ALAS2: variants seen among roughly 807,000 people sequenced by gnomAD.
ALAS2 encodes the protein 5-aminolevulinate synthase, erythroid-specific, mitochondrial.
Under a neutral mutation model 33.7 loss-of-function variants are expected in ALAS2, and 3 were observed. That is an observed-to-expected ratio of 0.09 (90% CI 0.04 to 0.23). The LOEUF is 0.23. ALAS2 is among the 10% of genes least tolerant of loss of function. The pLI is 1.00. For missense variants in ALAS2, 304 were observed against 475.1 expected (o/e 0.64, Z 3.35); for synonymous variants, 191 against 177.3 (o/e 1.08, Z -0.61).
intron 1 of ALAS2, among the ~76,000 whole-genome samples, chrX:55,026,224 G>A (rs1935890312): frequency 9.0e-6 from 1 of 111,729 alleles, no homozygotes; most frequent in Non-Finnish European, 1.9e-5. Context: ...ACTGGGCAAA[G>A]GGGTGAAGGA....
At chrX:55,018,347 C>A (rs1935739831) in intron 6 of ALAS2, among the ~76,000 whole-genome samples, 1 of 111,249 alleles carries the variant, frequency 9.0e-6, no homozygotes, top group Non-Finnish European at 1.9e-5. Context: ...CCCCTGCCAC[C>A]AACTGCACTG....
intron 1 of ALAS2, among the ~76,000 whole-genome samples, chrX:55,026,563 G>A (rs1242880921): frequency 8.9e-6 from 1 of 111,957 alleles, no homozygotes; most frequent in Non-Finnish European, 1.9e-5. Flanking sequence ...AAGGGATCCG[G>A]AAGGAAGGGT....
Position 55,014,918 on chromosome X carries a change from A to G in ALAS2, c.1266T>C (p.Ser422=), listed in dbSNP as rs1935674289. ...CTCCAGAGAGCACCATGGGGGGCAG[A>G]GAAGTGGTAAAGATGAAGCCTGCAG... The part of the protein sequence containing the change: ...SYAAGFIFTT[S]LPPMVLSGAL... Residue 422 remains serine, a synonymous_variant, in exon 9 of 11, where the codon TCT becomes TCC. Coordinates refer to ENST00000650242, the MANE Select transcript of ALAS2 (RefSeq NM_000032.5). The G allele has an allele frequency of 8.3e-7, 1 of 1,208,986 alleles. No individual in the cohort carries two copies. The highest frequency in any genetic ancestry group is 1.7e-5 in the African/African-American group (1 of 57,903).
chrX:55,012,800 C>A (rs1218634588), intron 10 of ALAS2, among the ~76,000 whole-genome samples: 12 of 111,624 alleles, frequency 1.1e-4, no homozygotes, highest in African/African-American at 3.9e-4. Context: ...CTCAAAAAAA[C>A]AAAAACAAAA....
chrX:55,028,445 G>A (rs980723501), intron 1 of ALAS2, among the ~76,000 whole-genome samples: 5 of 111,357 alleles, frequency 4.5e-5, no homozygotes, highest in African/African-American at 1.6e-4. Context: ...CAACATTGGG[G>A]TATGTAGTGG....
In ALAS2 at chrX:55,024,825, G is replaced by A. The variant is rs140052536; in HGVS notation, c.197C>T (p.Ala66Val). 8.3e-5 allele frequency: 100 copies of A among 1,209,580 alleles called. No individual in the cohort carries two copies. The East Asian group carries it at 2.2e-3, about 26-fold the overall frequency. Residue 66 changes from alanine to valine, a missense_variant, in exon 3 of 11, where the codon GCG becomes GTG. Around this residue, in one of 3 missense-constraint regions of ALAS2, gnomAD observed 71 missense variants for 82.8 expected, o/e 0.86. Transcript: ENST00000650242. The part of the protein sequence containing the change: ...TKAGGDSPSW[A>V]KGHCPFMLSE... ...CAGCATGAAGGGACAGTGGCCCTTC[G>A]CCCAAGATGGAGAATCTATGCAAAG...
intron 3 of ALAS2, among the ~76,000 whole-genome samples, chrX:55,024,348 G>T (rs1247936152): frequency 8.9e-6 from 1 of 111,811 alleles, no homozygotes; most frequent in East Asian, 2.8e-4. Context: ...CCTGGTTAAA[G>T]GAGGTACCTA....
intron 10 of ALAS2, among the ~76,000 whole-genome samples, chrX:55,010,645 C>T (rs1001875456): frequency 9.9e-5 from 11 of 111,445 alleles, no homozygotes; most frequent in African/African-American, 3.6e-4. Context: ...AATTTTTGCT[C>T]AAGTTTCACC....
intron 4 of ALAS2, among the ~76,000 whole-genome samples, chrX:55,023,230 A>G (rs1421632340): frequency 9.2e-6 from 1 of 108,757 alleles, no homozygotes; most frequent in African/African-American, 3.4e-5. Context: ...GTGTGTAGCC[A>G]TAGAAAAATA....
chrX:55,015,726 G>T lies in ALAS2; in HGVS notation c.1020C>A (p.Leu340=), dbSNP rs773826377. The T allele has an allele frequency of 1.7e-6, 2 of 1,211,034 alleles. No individual in the cohort carries two copies. The highest frequency in any genetic ancestry group is 3.5e-5 in the South Asian group (2 of 56,893). ...GGTGGGACACATCACACAACTCCTC[G>T]AGGGGACAGATGGCACCTGAGCAAA... ...VHSMDGAICP[L]EELCDVSHQY... is the part of the protein sequence containing the mutation. The change falls in exon 8 of 11, where the codon CTC becomes CTA. Residue 340 remains leucine (L), a synonymous_variant. Transcript: ENST00000650242.
chrX:55,011,609 A>G (rs1285477762), intron 10 of ALAS2, among the ~76,000 whole-genome samples: 1 of 111,982 alleles, frequency 8.9e-6, no homozygotes, highest in Admixed American at 9.5e-5. Context: ...GAGAAAAGCA[A>G]ATAGGTTTGA....
chrX:55,027,793 C>T (rs752764063), intron 1 of ALAS2: 6 of 1,209,541 alleles, frequency 5.0e-6, no homozygotes, highest in Non-Finnish European at 6.7e-6. Flanking sequence ...CCAGAGCAAC[C>T]TCTCCCCCTC....
intron 10 of ALAS2, 35 bp downstream of exon 10, chrX:55,013,451 G>A (rs1402999783): frequency 2.5e-6 from 3 of 1,178,574 alleles, no homozygotes; most frequent in Non-Finnish European, 3.4e-6. Flanking sequence ...GCTGAGGGGA[G>A]GGAGGTCCTG....
Position 55,009,158 on chromosome X carries a change from T to G in ALAS2, c.*22A>C. On this transcript the variant is annotated 3_prime_UTR_variant, in exon 11 of 11. Coordinates refer to ENST00000650242, the MANE Select transcript of ALAS2 (RefSeq NM_000032.5). ...ACCCAAGTGAAGCGCAGGTGGGGTG[T>G]GAATCCTAGGCAGCTGGCTTCTCAG... 8.3e-7 allele frequency: 1 copy of G among 1,204,736 alleles called. No homozygotes were observed. Among genetic ancestry groups the G allele is most frequent in the East Asian group, 3.0e-5 (1 of 33,668 alleles).
chrX:55,021,027 T>C, intron 5 of ALAS2, 25 bp downstream of exon 5: 1 of 1,189,185 alleles, frequency 8.4e-7, no homozygotes, highest in Non-Finnish European at 1.1e-6. Context: ...TGGCCACTGC[T>C]GATGGCTGAA....
chrX:55,024,899 A>C, intron 2 of ALAS2, 59 bp from the exon 3 acceptor site: 2 of 1,186,831 alleles, frequency 1.7e-6, no homozygotes, highest in Non-Finnish European at 2.3e-6. Flanking sequence ...TCAGCTCAAC[A>C]ATAATTGCTG....
intron 10 of ALAS2, among the ~76,000 whole-genome samples, chrX:55,011,026 G>A (rs1046523919): frequency 1.8e-5 from 2 of 111,495 alleles, no homozygotes; most frequent in Non-Finnish European, 3.8e-5. Flanking sequence ...AGAGCAGCAT[G>A]AGCAAAGTCC....
chrX:55,023,770 C>T lies in ALAS2; in HGVS notation c.402G>A (p.Gln134=), dbSNP rs752899399. Residue 134 remains glutamine (Q), a synonymous_variant, in exon 4 of 11, where the codon CAG becomes CAA. Transcript: ENST00000650242. ...QISGKVTHLI[Q]NNMPGNYVFS... The stretch of plus-strand genomic sequence containing the variant: ...CAGCAAACTCACCAGGCATATTGTT[C>T]TGAATCAGGTGTGTGACCTTCCCAG... 1 of 1,208,009 alleles carries T rather than the reference C, an allele frequency of 8.3e-7. No homozygotes were observed. Among genetic ancestry groups the T allele is most frequent in the East Asian group, 3.0e-5 (1 of 33,710 alleles).
In ALAS2 at chrX:55,025,986, G is replaced by A. The variant is rs754281252; in HGVS notation, c.15C>T (p.Ala5=). The change falls in exon 2 of 11, where the codon GCC becomes GCT. Residue 5 remains alanine (A), a synonymous_variant. Coordinates refer to ENST00000650242, the MANE Select transcript of ALAS2 (RefSeq NM_000032.5). ...GCACTGGGCAGCACTGTAGCAGCATGGCTGCAGTCACCATCTTGAACCTAA... is the reference window on the plus strand; with the variant it reads ...GCACTGGGCAGCACTGTAGCAGCATAGCTGCAGTCACCATCTTGAACCTAA... The part of the protein sequence containing the change: MVTA[A]MLLQCCPVLA... 8.3e-7 allele frequency: 1 copy of A among 1,208,820 alleles called. No homozygotes were observed. Among genetic ancestry groups the A allele is most frequent in the Non-Finnish European group, 1.1e-6 (1 of 894,820 alleles).
Sources: allele counts gnomAD v4.1 joint callset (sites outside exome capture counted in the v4.1 genomes callset), GRCh38; gene constraint gnomAD v4.1.1; regional missense constraint gnomAD v4.1.1; transcripts MANE v1.5; gene names NCBI Gene and HGNC (gene_info 2026-07-23, HGNC 2026-07-21).